OPRK1: variants seen among roughly 807,000 people sequenced by gnomAD.
The protein encoded by OPRK1 is opioid receptor kappa 1.
In OPRK1, 15 loss-of-function variants were observed where a neutral mutation model predicts 24.5. That is an observed-to-expected ratio of 0.61 (90% CI 0.41 to 0.94). The LOEUF (loss-of-function observed/expected upper bound fraction) is 0.94. OPRK1 is among the 40% of genes least tolerant of loss of function. The pLI is 0.00. For missense variants in OPRK1, 479 were observed against 507.3 expected (o/e 0.94, Z 0.54); for synonymous variants, 205 against 198.0 (o/e 1.04, Z -0.30).
rs1383500249 is a variant in OPRK1 at position 53,234,852 on chromosome 8, A to G, written c.517T>C (p.Leu173=). ...CAGATATTGATGATCTTTGCCTTCA[A>G]GGGTGTGCGGAAGTCCAAAGCCTTC... The part of the protein sequence containing the change: ...PVKALDFRTP[L]KAKIINICIW... Residue 173 remains leucine, a synonymous_variant, in exon 3 of 4, where the codon TTG becomes CTG. Transcript: ENST00000265572. The G allele has an allele frequency of 6.2e-7, 1 of 1,614,084 alleles. No homozygotes were observed. The highest frequency in any genetic ancestry group is 1.3e-5 in the African/African-American group (1 of 74,918).
intron 2 of OPRK1, among the ~76,000 whole-genome samples, chr8:53,248,981 T>G (rs1339016691): frequency 6.6e-6 from 1 of 152,228 alleles, no homozygotes; most frequent in Non-Finnish European, 1.5e-5. Flanking sequence ...ATCTATCCAT[T>G]AAAAATCCTA....
intron 2 of OPRK1, among the ~76,000 whole-genome samples, chr8:53,249,551 T>C (rs930598024): frequency 6.6e-6 from 1 of 152,234 alleles, no homozygotes; most frequent in Non-Finnish European, 1.5e-5. Context: ...AAATGAGCTT[T>C]ATAATATGTG....
intron 3 of OPRK1, among the ~76,000 whole-genome samples, chr8:53,234,205 C>CAAAAAAAAAAAAAAAAAAAAAAAAAAA (rs1554519153): frequency 1.2e-5 from 1 of 84,336 alleles, no homozygotes. Flanking sequence ...AAAAAAAAAT[C>CAAAAAAAAAAAAAAAAAAAAAAAAAAA]AGTTGGCTGG....
intron 1 of OPRK1, 63 bp from the exon 2 acceptor site, chr8:53,251,148 G>A: frequency 1.4e-6 from 2 of 1,395,390 alleles, no homozygotes; most frequent in Non-Finnish European, 9.2e-7. Flanking sequence ...CCTGGCCAGC[G>A]GCGCTGGGGA....
At chr8:53,239,091 G>T (rs1407736205) in intron 2 of OPRK1, among the ~76,000 whole-genome samples, 3 of 152,158 alleles carry the variant, frequency 2.0e-5, no homozygotes, top group Non-Finnish European at 2.9e-5. Context: ...CAGTTGCACT[G>T]ATTTCAGTTA....
At position 53,234,140 on chromosome 8, in the gene OPRK1, C is replaced by T. The variant is rs146969876; in HGVS notation, c.610+619G>A. 8.2e-3 allele frequency among the ~76,000 whole-genome samples: 1,151 copies of T among 140,534 alleles called. 17 individuals are homozygous for T. Among genetic ancestry groups the T allele is most frequent in the African/African-American group, 0.03 (1,054 of 35,676 alleles). 92.2% of individuals were successfully genotyped at this position (140,534 alleles called of 152,430 possible). On this transcript the variant is annotated intron_variant, in intron 3 of 3. Transcript: ENST00000265572. ...CAGAGGTTGCAGTGAGCCGATATCG[C>T]GCCACTGCACTCTAGCCTGGCAACA... is the stretch of plus-strand genomic sequence containing the variant.
chr8:53,226,031 G>A lies in OPRK1; in HGVS notation c.*3266C>T, dbSNP rs140555056. ...ATGTTCCAATTTAAAGTCAGCCAGT[G>A]TGCTCCCTGAATTTGCATGAGTCAT... On this transcript the variant is annotated 3_prime_UTR_variant, in exon 4 of 4. Coordinates refer to ENST00000265572, the MANE Select transcript of OPRK1 (RefSeq NM_000912.5). 359 of 152,224 alleles carry A rather than the reference G, an allele frequency of 2.4e-3. 2 individuals are homozygous for A. Among genetic ancestry groups the A allele is most frequent in the African/African-American group, 8.3e-3 (343 of 41,536 alleles). The allele number at this position is 152,224 out of a possible 1,614,324, so 9.4% of individuals were successfully genotyped here.
intron 2 of OPRK1, among the ~76,000 whole-genome samples, chr8:53,244,647 A>G (rs1309025532): frequency 1.3e-5 from 2 of 152,198 alleles, no homozygotes; most frequent in East Asian, 3.9e-4. Context: ...GATTCCTCCT[A>G]TTTTTTCTTG....
chr8:53,248,292 C>A (rs1451491811), intron 2 of OPRK1, among the ~76,000 whole-genome samples: 3 of 152,158 alleles, frequency 2.0e-5, no homozygotes, highest in Non-Finnish European at 4.4e-5. Context: ...CTCCAGAGCT[C>A]TTTCTCCCCA....
intron 3 of OPRK1, among the ~76,000 whole-genome samples, chr8:53,232,819 C>T (rs1238451591): frequency 2.6e-5 from 4 of 152,122 alleles, no homozygotes; most frequent in Non-Finnish European, 2.9e-5. Flanking sequence ...ATTGTTTCTG[C>T]TTATAGCGAT....
Position 53,229,615 on chromosome 8 carries a change from C to G in OPRK1, c.825G>C (p.Leu275=), listed in dbSNP as rs202062747. Reference sequence around the variant, plus strand: ...CGAAGACTGCCACCACCACCAGGACCAGTCTGGTGATCCTACGCAGGTTGC... The same window carrying G: ...CGAAGACTGCCACCACCACCAGGACGAGTCTGGTGATCCTACGCAGGTTGC... ...KDRNLRRITR[L]VLVVVAVFVV... The change falls in exon 4 of 4, where the codon CTG becomes CTC. Residue 275 remains leucine, a synonymous_variant. Coordinates refer to ENST00000265572, the MANE Select transcript of OPRK1 (RefSeq NM_000912.5). 35 of 1,613,910 alleles carry G rather than the reference C, an allele frequency of 2.2e-5. No homozygotes were observed. Among genetic ancestry groups the G allele is most frequent in the South Asian group, 6.6e-5 (6 of 91,070 alleles).
chr8:53,229,535 G>A lies in OPRK1; in HGVS notation c.905C>T (p.Thr302Ile). ...GGAGAGAGCAGCTGTGCTGTGGGAG[G>A]TGCTCCCCAGAGCCTCCACCAGGAT... ...IFILVEALGSTSHSTAALSSY... is the reference protein window; with the variant it reads ...IFILVEALGSISHSTAALSSY... The change falls in exon 4 of 4, where the codon ACC becomes ATC. Residue 302 changes from threonine to isoleucine, a missense_variant. By Grantham distance (89) the Thr-to-Ile change is moderately conservative. Transcript: ENST00000265572. 2 of 1,614,188 alleles carry A rather than the reference G, an allele frequency of 1.2e-6. No individual in the cohort carries two copies. The highest frequency in any genetic ancestry group is 1.1e-5 in the South Asian group (1 of 91,084).
In OPRK1 at chr8:53,229,321, G is replaced by A. The variant is rs150426309; in HGVS notation, c.1119C>T (p.Ile373=). The change falls in exon 4 of 4, where the codon ATC becomes ATT. Residue 373 remains isoleucine, a synonymous_variant. Transcript: ENST00000265572. ...GTCATACTGGTTTATTCATCCCATC[G>A]ATGTCCCTCAGGTAAGCAGGATCCT... ...TVQDPAYLRD[I]DGMNKPV is the part of the protein sequence containing the mutation. 3.7e-6 allele frequency: 6 copies of A among 1,613,816 alleles called. No individual in the cohort carries two copies. The highest frequency in any genetic ancestry group is 1.7e-5 in the Admixed American group (1 of 59,994).
intron 2 of OPRK1, 76 bp from the exon 3 acceptor site, chr8:53,235,187 T>A: frequency 8.0e-7 from 1 of 1,242,406 alleles, no homozygotes; most frequent in South Asian, 1.4e-5. Context: ...TGTGATAGCC[T>A]TTGGATTACT....
chr8:53,250,890 C>A lies in OPRK1; in HGVS notation c.148G>T (p.Glu50Ter). 2.5e-6 allele frequency: 4 copies of A among 1,612,618 alleles called. No homozygotes were observed. The highest frequency in any genetic ancestry group is 3.4e-6 in the Non-Finnish European group (4 of 1,179,628). ...GSAGSEDAQL[E>*]PAHISPAIPV... ...ATGGCCGGGGAGATGTGCGCGGGCT[C>A]CAGCTGCGCGTCCTCCGAGCCGGCG... Residue 50 changes from glutamate (E) to a stop codon, truncating the protein, a stop_gained, in exon 2 of 4, where the codon GAG (glutamate) becomes TAG (stop). Transcript: ENST00000265572. LOFTEE classifies it high-confidence loss of function.
In OPRK1 at chr8:53,234,863, A is replaced by G. The variant is rs139609517; in HGVS notation, c.506T>C (p.Phe169Ser). The G allele has an allele frequency of 2.5e-6, 4 of 1,614,168 alleles. No homozygotes were observed. The highest frequency in any genetic ancestry group is 3.4e-6 in the Non-Finnish European group (4 of 1,180,042). Residue 169 changes from phenylalanine to serine, a missense_variant, in exon 3 of 4, where the codon TTC becomes TCC. Coordinates refer to ENST00000265572, the MANE Select transcript of OPRK1 (RefSeq NM_000912.5). ...AVCHPVKALD[F>S]RTPLKAKIIN... ...GATCTTTGCCTTCAAGGGTGTGCGG[A>G]AGTCCAAAGCCTTCACGGGGTGGCA...
Position 53,229,392 on chromosome 8 carries a change from T to A in OPRK1, c.1048A>T (p.Met350Leu), listed in dbSNP as rs1456114416. The stretch of plus-strand genomic sequence containing the variant: ...CTAGTGCTCTGCCGCTCCATCCTCA[T>A]CTTCAGTGGAAAGCAGAAGTCCCGG... ...CFRDFCFPLK[M>L]RMERQSTSRV... is the part of the protein sequence containing the mutation. The change falls in exon 4 of 4, where the codon ATG (methionine) becomes TTG (leucine). Residue 350 changes from methionine to leucine, a missense_variant. Met to Leu is a conservative substitution (Grantham distance 15). Coordinates refer to ENST00000265572, the MANE Select transcript of OPRK1 (RefSeq NM_000912.5). 1 of 1,614,198 alleles carries A rather than the reference T, an allele frequency of 6.2e-7. No individual in the cohort carries two copies. Among genetic ancestry groups the A allele is most frequent in the Admixed American group, 1.7e-5 (1 of 60,030 alleles).
intron 1 of OPRK1, 169 bp from the exon 2 acceptor site, chr8:53,251,254 G>A: frequency 2.8e-6 from 2 of 709,458 alleles, no homozygotes; most frequent in South Asian, 2.3e-5. Context: ...CAGGCGCGCC[G>A]CTGGGTGCCA....
chr8:53,236,266 G>A (rs114834825), intron 2 of OPRK1, among the ~76,000 whole-genome samples: 5,555 of 152,268 alleles, frequency 0.036, 321 homozygotes, highest in African/African-American at 0.13. Context: ...CTGATTTTCA[G>A]TTCCTGCTAA....
Sources: gnomAD v4.1 joint callset for allele counts (sites outside exome capture counted in the v4.1 genomes callset) on GRCh38, gnomAD v4.1.1 for gene constraint, MANE v1.5 for transcripts, NCBI Gene and HGNC (gene_info 2026-07-23, HGNC 2026-07-21) for gene names.